The following FNDC9 variants were observed in gnomAD, a reference collection of about 807,000 sequenced individuals.
The protein encoded by FNDC9 is fibronectin type III domain containing 9, also known as fibronectin type III domain-containing protein 9.
In FNDC9, 3 loss-of-function variants were observed where a neutral mutation model predicts 9.0. The observed-to-expected ratio is 0.33, with a 90% confidence interval of 0.15 to 0.86. FNDC9 has a LOEUF of 0.86. Among genes scored for constraint, FNDC9 ranks in the 40% least tolerant of loss-of-function variants. The pLI is 0.53. For missense variants in FNDC9, 279 were observed against 287.2 expected (o/e 0.97, Z 0.21); for synonymous variants, 114 against 115.6 (o/e 0.99, Z 0.09).
Position 157,342,770 on chromosome 5 carries a change from G to A in FNDC9, c.*92C>T. ...ACAATAGCAGTGACGTTTGATGGGA[G>A]AGAAATGGGTAGTCTATAGACACAT... On this transcript the variant is annotated 3_prime_UTR_variant, in exon 2 of 2. Coordinates refer to ENST00000312349, the MANE Select transcript of FNDC9 (RefSeq NM_001001343.4). The A allele has an allele frequency of 2.4e-6, 3 of 1,269,164 alleles. No individual in the cohort carries two copies. The highest frequency in any genetic ancestry group is 3.2e-6 in the Non-Finnish European group (3 of 936,132). 78.6% of individuals were successfully genotyped at this position (1,269,164 alleles called of 1,614,324 possible).
At position 157,342,787 on chromosome 5, in the gene FNDC9, T is replaced by C; in HGVS notation, c.*75A>G. ...TGATGGGAGAGAAATGGGTAGTCTA[T>C]AGACACATTTGTACAAACGACCTAC... On this transcript the variant is annotated 3_prime_UTR_variant, in exon 2 of 2. Transcript: ENST00000312349. 1 of 1,417,350 alleles carries C rather than the reference T, an allele frequency of 7.1e-7. No individual in the cohort carries two copies. The highest frequency in any genetic ancestry group is 1.3e-5 in the South Asian group (1 of 74,242). 87.8% of individuals were successfully genotyped at this position (1,417,350 alleles called of 1,614,324 possible).
rs1211211133 is a variant in FNDC9, at chr5:157,341,960, A to G, written c.*902T>C. The G allele has an allele frequency of 6.6e-6, 1 of 152,384 alleles. No individual in the cohort carries two copies. Among genetic ancestry groups the G allele is most frequent in the East Asian group, 1.9e-4 (1 of 5,202 alleles). 9.4% of individuals were successfully genotyped at this position (152,384 alleles called of 1,614,324 possible). On this transcript the variant is annotated 3_prime_UTR_variant, in exon 2 of 2. Coordinates refer to ENST00000312349, the MANE Select transcript of FNDC9 (RefSeq NM_001001343.4). ...TGGCATTTAACTAACACTGACTCGC[A>G]AAGTAAAAACAGCACTTCCCTTTTC...
intron 1 of FNDC9, among the ~76,000 whole-genome samples, chr5:157,345,130 C>T (rs1762584115): frequency 6.6e-6 from 1 of 152,146 alleles, no homozygotes; most frequent in Non-Finnish European, 1.5e-5. Context: ...GCTTGGTGTC[C>T]TCTACACACT....
intron 1 of FNDC9, among the ~76,000 whole-genome samples, chr5:157,344,769 G>A (rs1274918655): frequency 6.6e-6 from 1 of 152,176 alleles, no homozygotes; most frequent in Non-Finnish European, 1.5e-5. Context: ...CAGTGACATA[G>A]TAAACAGCTG....
At position 157,343,246 on chromosome 5, in the gene FNDC9, C is replaced by T; in HGVS notation, c.291G>A (p.Lys97=). 1 of 1,614,206 alleles carries T rather than the reference C, an allele frequency of 6.2e-7. No homozygotes were observed. Among genetic ancestry groups the T allele is most frequent in the Non-Finnish European group, 8.5e-7 (1 of 1,180,014 alleles). Residue 97 remains lysine (K), a synonymous_variant, in exon 2 of 2, where the codon AAG becomes AAA. Coordinates refer to ENST00000312349, the MANE Select transcript of FNDC9 (RefSeq NM_001001343.4). ...GGGAGCTTCCAGGAGCCAGCGGACT[C>T]TTATCCAGGGTGTGGAACATGGTGC... ...HYCTMFHTLD[K]SPLAPGSSLV... is the part of the protein sequence containing the mutation.
Position 157,342,518 on chromosome 5 carries a change from G to T in FNDC9, c.*344C>A. 5.9e-6 allele frequency: 1 copy of T among 169,446 alleles called. No homozygotes were observed. 10.5% of individuals were successfully genotyped at this position (169,446 alleles called of 1,614,324 possible). On this transcript the variant is annotated 3_prime_UTR_variant, in exon 2 of 2. Transcript: ENST00000312349. The stretch of plus-strand genomic sequence containing the variant: ...CTGAGAGCCTACTTGTAACTCAAGT[G>T]TTTCCTTCAAGTGCTGTGTTTTATT...
In FNDC9 at chr5:157,343,264, C is replaced by T. The variant is rs962586882; in HGVS notation, c.273G>A (p.Met91Ile). 6.2e-7 allele frequency: 1 copy of T among 1,614,058 alleles called. No individual in the cohort carries two copies. Among genetic ancestry groups the T allele is most frequent in the Non-Finnish European group, 8.5e-7 (1 of 1,180,038 alleles). The part of the protein sequence containing the change: ...AAFPYRHYCT[M>I]FHTLDKSPLA... The stretch of plus-strand genomic sequence containing the variant: ...GCGGACTCTTATCCAGGGTGTGGAA[C>T]ATGGTGCAGTAGTGCCTGTAAGGGA... Residue 91 changes from methionine (M) to isoleucine (I), a missense_variant, in exon 2 of 2, where the codon ATG becomes ATA. By Grantham distance (10) the Met-to-Ile change is conservative. Transcript: ENST00000312349.
chr5:157,342,589 G>C lies in FNDC9; in HGVS notation c.*273C>G, dbSNP rs1017946988. 1 of 370,486 alleles carries C rather than the reference G, an allele frequency of 2.7e-6. No individual in the cohort carries two copies. The highest frequency in any genetic ancestry group is 4.9e-6 in the Non-Finnish European group (1 of 205,144). 22.9% of individuals were successfully genotyped at this position (370,486 alleles called of 1,614,324 possible). The stretch of plus-strand genomic sequence containing the variant: ...TCTACTTTATAACATATCCATGTTT[G>C]TTTTAATGTTAAAACAATGCTTTCA... On this transcript the variant is annotated 3_prime_UTR_variant, in exon 2 of 2. Coordinates refer to ENST00000312349, the MANE Select transcript of FNDC9 (RefSeq NM_001001343.4).
intron 1 of FNDC9, among the ~76,000 whole-genome samples, chr5:157,344,456 A>G (rs1003232305): frequency 2.0e-5 from 3 of 152,214 alleles, no homozygotes; most frequent in Admixed American, 6.5e-5. Context: ...TTCCTAATGC[A>G]AGGCTGCCGG....
At position 157,342,943 on chromosome 5, in the gene FNDC9, G is replaced by T; in HGVS notation, c.594C>A (p.Ala198=). The change falls in exon 2 of 2, where the codon GCC becomes GCA. Residue 198 remains alanine (A), a synonymous_variant. Coordinates refer to ENST00000312349, the MANE Select transcript of FNDC9 (RefSeq NM_001001343.4). ...SRDGAELDPE[A]NQDAPDAGAL... ...CACCCGCATCAGGGGCATCCTGGTT[G>T]GCTTCGGGATCCAGTTCAGCTCCAT... is the stretch of plus-strand genomic sequence containing the variant. 6.2e-7 allele frequency: 1 copy of T among 1,614,216 alleles called. No homozygotes were observed.
chr5:157,343,632 G>A (rs1762465370), intron 1 of FNDC9, 89 bp from the exon 2 acceptor site: 3 of 1,049,724 alleles, frequency 2.9e-6, no homozygotes, highest in Non-Finnish European at 4.1e-6. Flanking sequence ...GCACATTTGA[G>A]ACGGGCACTC....
intron 1 of FNDC9, among the ~76,000 whole-genome samples, chr5:157,344,133 TTTTG>T (rs779777060): frequency 9.2e-5 from 14 of 152,238 alleles, no homozygotes; most frequent in East Asian, 3.9e-4. Flanking sequence ...TCTGCTCTTG[TTTTG>T]TTTGTTTGTT....
chr5:157,343,243 AC>A lies in FNDC9; in HGVS notation c.293del (p.Ser98IlefsTer10). 6.2e-7 allele frequency: 1 copy of A among 1,614,038 alleles called. No homozygotes were observed. The highest frequency in any genetic ancestry group is 8.5e-7 in the Non-Finnish European group (1 of 1,179,986). ...CCAGGGAGCTTCCAGGAGCCAGCGGACTCTTATCCAGGGTGTGGAACATGGT... is the reference window on the plus strand; with the variant it reads ...CCAGGGAGCTTCCAGGAGCCAGCGGATCTTATCCAGGGTGTGGAACATGGT... ...YCTMFHTLDK[S>X]PLAPGSSLVD... On this transcript the variant is annotated frameshift_variant, in exon 2 of 2. Coordinates refer to ENST00000312349, the MANE Select transcript of FNDC9 (RefSeq NM_001001343.4). LOFTEE classifies it high-confidence loss of function.
chr5:157,342,882 G>A lies in FNDC9; in HGVS notation c.655C>T (p.Leu219=), dbSNP rs1762376977. The stretch of plus-strand genomic sequence containing the variant: ...CACTCTCATTCCCCACAATGAGGCA[G>A]TATAGCGGGTGGGTCACCACCCCCC... ...QRGGGDPPAI[L]PHCGE is the part of the protein sequence containing the mutation. Residue 219 remains leucine, a synonymous_variant, in exon 2 of 2, where the codon CTG becomes TTG. Coordinates refer to ENST00000312349, the MANE Select transcript of FNDC9 (RefSeq NM_001001343.4). The A allele has an allele frequency of 1.2e-6, 2 of 1,613,116 alleles. No homozygotes were observed. The highest frequency in any genetic ancestry group is 1.3e-5 in the African/African-American group (1 of 74,942).
At chr5:157,343,567 A>C in intron 1 of FNDC9, 24 bp from the exon 2 acceptor site, 1 of 1,506,942 alleles carries the variant, frequency 6.6e-7, no homozygotes, top group Non-Finnish European at 9.0e-7. Flanking sequence ...CAAAGTGAAG[A>C]GTGACATCCC....
chr5:157,344,278 T>TA (rs2113268411), intron 1 of FNDC9, among the ~76,000 whole-genome samples: 1 of 152,330 alleles, frequency 6.6e-6, no homozygotes, highest in Non-Finnish European at 1.5e-5. Flanking sequence ...CCACTCACAG[T>TA]AAGTGGTTGC....
Position 157,343,332 on chromosome 5 carries a change from A to C in FNDC9, c.205T>G (p.Ser69Ala). 6.2e-7 allele frequency: 1 copy of C among 1,614,188 alleles called. No homozygotes were observed. Among genetic ancestry groups the C allele is most frequent in the Non-Finnish European group, 8.5e-7 (1 of 1,180,024 alleles). Residue 69 changes from serine (S) to alanine (A), a missense_variant, in exon 2 of 2, where the codon TCC becomes GCC. Ser to Ala is a moderately conservative substitution (Grantham distance 99, BLOSUM62 1). Coordinates refer to ENST00000312349, the MANE Select transcript of FNDC9 (RefSeq NM_001001343.4). ...SSVVLEHLAP[S>A]TLYFLCISCK... ...CTGATGCACAGGAAGTAGAGAGTGG[A>C]AGGGGCAAGATGTTCCAGCACCACG... is the stretch of plus-strand genomic sequence containing the variant.
In FNDC9 at chr5:157,342,816, G is replaced by A. The variant is rs749718405; in HGVS notation, c.*46C>T. 3.2e-6 allele frequency: 5 copies of A among 1,546,326 alleles called. No homozygotes were observed. The highest frequency in any genetic ancestry group is 3.8e-5 in the Admixed American group (2 of 52,770). ...CACATTTGTACAAACGACCTACTGTGTGGAAAGCTTTAGGCTACATGATGC... is the reference window on the plus strand; with the variant it reads ...CACATTTGTACAAACGACCTACTGTATGGAAAGCTTTAGGCTACATGATGC... On this transcript the variant is annotated 3_prime_UTR_variant, in exon 2 of 2. Transcript: ENST00000312349.
Position 157,342,750 on chromosome 5 carries a change from A to G in FNDC9, c.*112T>C, listed in dbSNP as rs1174500085. On this transcript the variant is annotated 3_prime_UTR_variant, in exon 2 of 2. Transcript: ENST00000312349. ...TCATCCAACCCAGGTGACCTACAAT[A>G]GCAGTGACGTTTGATGGGAGAGAAA... 1 of 1,077,968 alleles carries G rather than the reference A, an allele frequency of 9.3e-7. No homozygotes were observed. Among genetic ancestry groups the G allele is most frequent in the East Asian group, 2.6e-5 (1 of 38,456 alleles). 66.8% of individuals were successfully genotyped at this position (1,077,968 alleles called of 1,614,324 possible).
Sources: gnomAD v4.1 joint callset for allele counts (sites outside exome capture counted in the v4.1 genomes callset) on GRCh38, gnomAD v4.1.1 for gene constraint, MANE v1.5 for transcripts, NCBI Gene and HGNC (gene_info 2026-07-23, HGNC 2026-07-21) for gene names.